Variants in MAPK10 observed in about 807,000 individuals in gnomAD.
The protein encoded by MAPK10 is mitogen-activated protein kinase 10, also known as JNK3 alpha protein kinase.
Under a neutral mutation model 59.3 loss-of-function variants are expected in MAPK10, and 25 were observed. The observed-to-expected ratio is 0.42, with a 90% CI of 0.31 to 0.59. The LOEUF is 0.59. Among genes scored for constraint, MAPK10 ranks in the 20% least tolerant of loss-of-function variants. MAPK10 has a pLI of 0.15. For missense variants in MAPK10, 351 were observed against 568.9 expected, an observed-to-expected ratio of 0.62 and a Z score of 3.90; for synonymous variants, 190 against 200.5, an observed-to-expected ratio of 0.95 and a Z score of 0.44.
At chr4:86,585,402 T>C (rs2149114548) in intron 1 of MAPK10, among the ~76,000 whole-genome samples, 1 of 152,296 alleles carries the variant, frequency 6.6e-6, no homozygotes, top group South Asian at 2.1e-4. Context: ...AAGCTATATG[T>C]TCCCTTTAAC....
At chr4:86,482,732 A>C (rs1251021123) in intron 1 of MAPK10, among the ~76,000 whole-genome samples, 2 of 152,198 alleles carry the variant, frequency 1.3e-5, no homozygotes, top group African/African-American at 4.8e-5. Context: ...AAAACTGTTC[A>C]TCCTGCCAGA....
intron 11 of MAPK10, among the ~76,000 whole-genome samples, chr4:86,039,933 T>A (rs1167408298): frequency 6.6e-6 from 1 of 152,070 alleles, no homozygotes; most frequent in Non-Finnish European, 1.5e-5. Context: ...CCAGCCAACC[T>A]ACCTGAGGAC....
intron 4 of MAPK10, chr4:86,123,774 T>A (rs1347529958): frequency 1.3e-5 from 2 of 152,168 alleles, no homozygotes; most frequent in Non-Finnish European, 2.9e-5. Flanking sequence ...CAAAACAACC[T>A]AAGAATGACA....
intron 2 of MAPK10, among the ~76,000 whole-genome samples, chr4:86,267,608 C>T (rs2094295581): frequency 6.6e-6 from 1 of 152,072 alleles, no homozygotes; most frequent in Non-Finnish European, 1.5e-5. Context: ...TCCTTATCCC[C>T]AGTTCATTTA....
At chr4:86,356,546 T>A (rs1353963168) in intron 1 of MAPK10, 1 of 666,108 alleles carries the variant, frequency 1.5e-6, no homozygotes, top group South Asian at 6.7e-5. Flanking sequence ...ACAAAAGATA[T>A]GCAAAACACA....
At chr4:86,393,816 CT>C (rs1564791706) in intron 1 of MAPK10, among the ~76,000 whole-genome samples, 1 of 152,200 alleles carries the variant, frequency 6.6e-6, no homozygotes. Context: ...CACAGTAACT[CT>C]CTCCCTGACC....
At chr4:86,386,428 C>T (rs1401003847) in intron 1 of MAPK10, among the ~76,000 whole-genome samples, 2 of 152,184 alleles carry the variant, frequency 1.3e-5, no homozygotes, top group Non-Finnish European at 2.9e-5. Context: ...AAAGATCTGC[C>T]TGCCCTAGTC....
chr4:86,497,342 C>T (rs891103965), intron 1 of MAPK10, among the ~76,000 whole-genome samples: 8 of 152,152 alleles, frequency 5.3e-5, no homozygotes, highest in African/African-American at 1.9e-4. Flanking sequence ...AGGAACTATG[C>T]GGGCATGCAC....
intron 11 of MAPK10, among the ~76,000 whole-genome samples, chr4:86,039,340 G>C (rs2041006933): frequency 6.6e-6 from 1 of 152,130 alleles, no homozygotes; most frequent in Admixed American, 6.5e-5. Context: ...AGACAGCACA[G>C]CATGGAGACA....
intron 1 of MAPK10, among the ~76,000 whole-genome samples, chr4:86,501,005 G>T (rs1209813469): frequency 6.7e-6 from 1 of 150,216 alleles, no homozygotes; most frequent in Non-Finnish European, 1.5e-5. Flanking sequence ...AGATTAGAAG[G>T]TTAGGGTAAT....
At chr4:86,128,639 G>A (rs2060475317) in intron 4 of MAPK10, among the ~76,000 whole-genome samples, 1 of 152,010 alleles carries the variant, frequency 6.6e-6, no homozygotes, top group Non-Finnish European at 1.5e-5. Context: ...TTTTTTAACA[G>A]CATGAGAATG....
upstream of MAPK10, among the ~76,000 whole-genome samples, chr4:86,455,986 A>G (rs1409650896): frequency 2.0e-5 from 3 of 152,202 alleles, no homozygotes; most frequent in Admixed American, 6.5e-5. Flanking sequence ...ATAAAACTGG[A>G]AATCAACTCC....
intron 2 of MAPK10, among the ~76,000 whole-genome samples, chr4:86,304,249 C>G (rs190073223): frequency 6.6e-6 from 1 of 152,104 alleles, no homozygotes; most frequent in Non-Finnish European, 1.5e-5. Flanking sequence ...TATAGACTGT[C>G]CAAAAACAGT....
At chr4:86,466,601 C>T (rs1258767049) in intron 1 of MAPK10, among the ~76,000 whole-genome samples, 1 of 152,192 alleles carries the variant, frequency 6.6e-6, no homozygotes, top group Non-Finnish European at 1.5e-5. Context: ...ATCTCTATCT[C>T]ATACCATACC....
intron 2 of MAPK10, among the ~76,000 whole-genome samples, chr4:86,315,942 A>T (rs943055432): frequency 1.3e-5 from 2 of 152,202 alleles, no homozygotes; most frequent in Non-Finnish European, 2.9e-5. Context: ...TCCCCAAAGC[A>T]GTAAAAAGTT....
At chr4:86,298,897 G>C (rs2095418136) in intron 2 of MAPK10, among the ~76,000 whole-genome samples, 1 of 152,036 alleles carries the variant, frequency 6.6e-6, no homozygotes. Flanking sequence ...AAATGGTTTG[G>C]AAAAAAATGA....
At chr4:86,479,010 G>A (rs139879902) in intron 1 of MAPK10, among the ~76,000 whole-genome samples, 210 of 152,156 alleles carry the variant, frequency 1.4e-3, no homozygotes, top group Middle Eastern at 3.4e-3. Flanking sequence ...GCCCAGGACC[G>A]GCAAATTAGC....
upstream of MAPK10, among the ~76,000 whole-genome samples, chr4:86,362,498 A>G (rs1737175404): frequency 6.6e-6 from 1 of 152,034 alleles, no homozygotes; most frequent in Non-Finnish European, 1.5e-5. Flanking sequence ...GGCAAGCCAG[A>G]GTCTAGATGA....
chr4:86,303,568 T>A (rs1398953742), intron 2 of MAPK10, among the ~76,000 whole-genome samples: 2 of 152,144 alleles, frequency 1.3e-5, no homozygotes, highest in East Asian at 3.9e-4. Flanking sequence ...ATGGGAACAC[T>A]GTGAAGAAAA....
Sources: gnomAD v4.1 joint callset for allele counts (sites outside exome capture counted in the v4.1 genomes callset) on GRCh38, gnomAD v4.1.1 for gene constraint, MANE v1.5 for transcripts, NCBI Gene and HGNC (gene_info 2026-07-23, HGNC 2026-07-21) for gene names.